SLC22A5: variants seen among roughly 807,000 people sequenced by gnomAD.
SLC22A5 encodes the protein organic cation/carnitine transporter 2.
A neutral mutation model predicts 56.7 loss-of-function variants in SLC22A5; 44 were observed. That is an observed-to-expected ratio of 0.78 (90% CI 0.61 to 1.00). The LOEUF (loss-of-function observed/expected upper bound fraction) is 1.00. Ranked by LOEUF, SLC22A5 falls within the 50% of genes least tolerant of loss-of-function variation. SLC22A5 has a pLI of 0.00. For missense variants in SLC22A5, 675 were observed against 723.0 expected (o/e 0.93, Z 0.76); for synonymous variants, 278 against 292.1 (o/e 0.95, Z 0.49).
chr5:132,387,591 ATC>A (rs1752577110), intron 5 of SLC22A5, among the ~76,000 whole-genome samples: 2 of 152,102 alleles, frequency 1.3e-5, no homozygotes, highest in Admixed American at 6.5e-5. Context: ...GAAGTATTTC[ATC>A]TCTTGAGTAT....
chr5:132,370,492 C>T (rs1751868814), intron 1 of SLC22A5, 127 bp downstream of exon 1: 5 of 1,110,700 alleles, frequency 4.5e-6, no homozygotes, highest in Non-Finnish European at 6.4e-6. Flanking sequence ...ACGGTCAACA[C>T]CCTAGCGATG....
At chr5:132,386,903 C>T in intron 4 of SLC22A5, 122 bp from the exon 5 acceptor site, 3 of 1,065,398 alleles carry the variant, frequency 2.8e-6, no homozygotes, top group Non-Finnish European at 4.4e-6. Context: ...GGCTTGTGAT[C>T]ACCAAACATT....
At position 132,385,466 on chromosome 5, in the gene SLC22A5, C is replaced by A; in HGVS notation, c.791C>A (p.Thr264Lys). The change falls in exon 4 of 10, where the codon ACG becomes AAG. Residue 264 changes from threonine to lysine, a missense_variant. By Grantham distance (78) the Thr-to-Lys change is moderately conservative (BLOSUM62 -1). Coordinates refer to ENST00000245407, the MANE Select transcript of SLC22A5 (RefSeq NM_003060.4). Reference sequence around the variant, plus strand: ...TGGCGGATGCTGCTGGTGGCGCTGACGATGCCGGGGGTGCTATGCGTGGCA... The same window carrying A: ...TGGCGGATGCTGCTGGTGGCGCTGAAGATGCCGGGGGTGCTATGCGTGGCA... ...RDWRMLLVAL[T>K]MPGVLCVALW... 6.2e-7 allele frequency: 1 copy of A among 1,614,150 alleles called. No individual in the cohort carries two copies. Among genetic ancestry groups the A allele is most frequent in the Admixed American group, 1.7e-5 (1 of 60,022 alleles).
rs1261757663 is a variant in SLC22A5, at chr5:132,392,623, C to A, written c.1450+8C>A. ...CCTACTTCGTTTACCTTGGTAAGTCCCATGAGCCAAGGGCACACTAGAGCA... is the reference window on the plus strand; with the variant it reads ...CCTACTTCGTTTACCTTGGTAAGTCACATGAGCCAAGGGCACACTAGAGCA... On this transcript the variant is annotated splice_region_variant and intron_variant, in intron 8 of 9. Transcript: ENST00000245407. 6.2e-7 allele frequency: 1 copy of A among 1,612,864 alleles called. No individual in the cohort carries two copies. The highest frequency in any genetic ancestry group is 1.7e-5 in the Admixed American group (1 of 60,024).
At chr5:132,386,958 C>T in intron 4 of SLC22A5, 67 bp from the exon 5 acceptor site, 1 of 1,560,886 alleles carries the variant, frequency 6.4e-7, no homozygotes. Context: ...TATGGCTGTG[C>T]TCTACCTGGT....
In SLC22A5 at chr5:132,386,216, CTTTTTCTTTTCTTTT is replaced by C. The variant is rs910024891; in HGVS notation, c.824+728_824+742del. Among the ~76,000 whole-genome samples the C allele has an allele frequency of 1.2e-4, 16 of 137,132 alleles. No homozygotes were observed. In the South Asian group the frequency reaches 1.5e-3, roughly 13 times the overall value. The allele number at this position is 137,132 out of a possible 152,430, so 90.0% of individuals were successfully genotyped here. On this transcript the variant is annotated intron_variant, in intron 4 of 9. Coordinates refer to ENST00000245407, the MANE Select transcript of SLC22A5 (RefSeq NM_003060.4). ...CTAATTTTTTTCCTTTTTTTCTTTT[CTTTTTCTTTTCTTTT>C]TTTTTCTTTTTTTTTTCTCAGACAA...
intron 1 of SLC22A5, among the ~76,000 whole-genome samples, chr5:132,371,456 G>C (rs1230535099): frequency 6.6e-6 from 1 of 152,132 alleles, no homozygotes; most frequent in African/African-American, 2.4e-5. Flanking sequence ...GGGTGGTTTT[G>C]TCTGTCCCCT....
intron 4 of SLC22A5, among the ~76,000 whole-genome samples, 195 bp from the exon 5 acceptor site, chr5:132,386,830 T>G (rs1459236777): frequency 6.6e-6 from 1 of 152,172 alleles, no homozygotes; most frequent in South Asian, 2.1e-4. Flanking sequence ...TTGTGCGGTG[T>G]GGGGTACACA....
At chr5:132,378,535 G>T in intron 2 of SLC22A5, 54 bp downstream of exon 2, 3 of 1,290,340 alleles carry the variant, frequency 2.3e-6, no homozygotes, top group Non-Finnish European at 3.4e-6. Context: ...AGGAAGAAGC[G>T]TGTGCCTGGC....
At chr5:132,374,728 C>G (rs1168849025) in intron 1 of SLC22A5, among the ~76,000 whole-genome samples, 1 of 149,896 alleles carries the variant, frequency 6.7e-6, no homozygotes, top group African/African-American at 2.5e-5. Flanking sequence ...AAATTTCTGA[C>G]AGTTGACACA....
chr5:132,384,273 C>T lies in SLC22A5; in HGVS notation c.624C>T (p.Ile208=), dbSNP rs1015281490. ...TTGTCCTTGTAGGCATGGGCCAGAT[C>T]TCCAACTATGTGGCAGCATTTGTCC... ...VLFVLVGMGQ[I]SNYVAAFVLG... Residue 208 remains isoleucine, a synonymous_variant, in exon 3 of 10, where the codon ATC becomes ATT. Transcript: ENST00000245407. The T allele has an allele frequency of 1.2e-6, 2 of 1,614,122 alleles. No homozygotes were observed. The highest frequency in any genetic ancestry group is 8.5e-7 in the Non-Finnish European group (1 of 1,180,048).
intron 5 of SLC22A5, among the ~76,000 whole-genome samples, chr5:132,388,173 G>A (rs1752595006): frequency 6.6e-6 from 1 of 152,194 alleles, no homozygotes; most frequent in Non-Finnish European, 1.5e-5. Flanking sequence ...GTGGTTTTGG[G>A]GGCTTTTAAG....
intron 6 of SLC22A5, chr5:132,389,330 A>C (rs1752630029): frequency 2.7e-6 from 1 of 372,634 alleles, no homozygotes; most frequent in Non-Finnish European, 5.2e-6. Flanking sequence ...TCTCCTACCC[A>C]GTTACCGACA....
Position 132,385,473 on chromosome 5 carries a change from G to A in SLC22A5, c.798G>A (p.Pro266=), listed in dbSNP as rs143758508. 64 of 1,614,030 alleles carry A rather than the reference G, an allele frequency of 4.0e-5. No individual in the cohort carries two copies. The African/African-American group carries it at 6.1e-4, about 15-fold the overall frequency. Residue 266 remains proline (P), a synonymous_variant, in exon 4 of 10, where the codon CCG becomes CCA. Transcript: ENST00000245407. The part of the protein sequence containing the change: ...WRMLLVALTM[P]GVLCVALWWF... ...TGCTGCTGGTGGCGCTGACGATGCC[G>A]GGGGTGCTATGCGTGGCACTCTGGT... is the stretch of plus-strand genomic sequence containing the variant.
rs760915501 is a variant in SLC22A5 at position 132,369,922 on chromosome 5, C to A, written c.-51C>A. The A allele has an allele frequency of 6.2e-7, 1 of 1,603,472 alleles. No individual in the cohort carries two copies. Among genetic ancestry groups the A allele is most frequent in the South Asian group, 1.1e-5 (1 of 90,504 alleles). Reference sequence around the variant, plus strand: ...GGTGCCCCGCGCGCACGCGCAAAGCCCGCCGCGTTCCCCGACCCCAGGCCG... The same window carrying A: ...GGTGCCCCGCGCGCACGCGCAAAGCACGCCGCGTTCCCCGACCCCAGGCCG... On this transcript the variant is annotated 5_prime_UTR_variant, in exon 1 of 10. Transcript: ENST00000245407.
rs770408585 is a variant in SLC22A5, at chr5:132,387,132, C to A, written c.932C>A (p.Thr311Asn). 4.3e-6 allele frequency: 7 copies of A among 1,614,066 alleles called. No individual in the cohort carries two copies. The highest frequency in any genetic ancestry group is 5.9e-6 in the Non-Finnish European group (7 of 1,180,046). The change falls in exon 5 of 10, where the codon ACT becomes AAT. Residue 311 changes from threonine (T) to asparagine (N), a missense_variant. By Grantham distance (65) the Thr-to-Asn change is moderately conservative. Coordinates refer to ENST00000245407, the MANE Select transcript of SLC22A5 (RefSeq NM_003060.4). Reference sequence around the variant, plus strand: ...GCCAATGGGATTGTTGTGCCTTCCACTATCTTTGACCCGAGTGAGGTAAGC... The same window carrying A: ...GCCAATGGGATTGTTGTGCCTTCCAATATCTTTGACCCGAGTGAGGTAAGC... ...AKANGIVVPS[T>N]IFDPSELQDL...
At chr5:132,372,256 G>A (rs888413799) in intron 1 of SLC22A5, among the ~76,000 whole-genome samples, 2 of 152,142 alleles carry the variant, frequency 1.3e-5, no homozygotes, top group African/African-American at 2.4e-5. Flanking sequence ...TTACCTTCCC[G>A]GAAGCCAGTG....
rs1751810347 is a variant in SLC22A5 at position 132,369,830 on chromosome 5, G to A, written c.-143G>A. The stretch of plus-strand genomic sequence containing the variant: ...CGGCAGGACCAAGGCGGCGGTGTCA[G>A]CTCGCGAGCCTACCCTCCGCGGACG... On this transcript the variant is annotated 5_prime_UTR_variant, in exon 1 of 10. Transcript: ENST00000245407. The A allele has an allele frequency of 9.3e-7, 1 of 1,079,168 alleles. No individual in the cohort carries two copies. The highest frequency in any genetic ancestry group is 1.3e-6 in the Non-Finnish European group (1 of 781,610). The allele number at this position is 1,079,168 out of a possible 1,614,324, so 66.8% of individuals were successfully genotyped here. A position where few individuals can be genotyped will look rare whatever the true frequency, so the allele number is the denominator to read the frequency against.
chr5:132,384,702 T>A (rs956960746), intron 3 of SLC22A5, among the ~76,000 whole-genome samples: 1 of 152,234 alleles, frequency 6.6e-6, no homozygotes, highest in Non-Finnish European at 1.5e-5. Flanking sequence ...GCAAGCTTGC[T>A]AAGGTAGAGA....
Sources: gnomAD v4.1 joint callset for allele counts (sites outside exome capture counted in the v4.1 genomes callset) on GRCh38, gnomAD v4.1.1 for gene constraint, MANE v1.5 for transcripts, NCBI Gene and HGNC (gene_info 2026-07-23, HGNC 2026-07-21) for gene names.